The following TOP6BL variants were observed in gnomAD, a reference collection of about 807,000 sequenced individuals.
The protein encoded by TOP6BL is type 2 DNA topoisomerase 6 subunit B-like.
At chr11:66,839,131 G>A in the TOP6BL span, 1 of 456,294 alleles carries the variant, frequency 2.2e-6, no homozygotes, top group South Asian at 1.5e-5. Flanking sequence ...GTCTCCTGCA[G>A]TGCTTAAACA....
the TOP6BL span, among the ~76,000 whole-genome samples, chr11:66,757,618 C>T: frequency 6.6e-6 from 1 of 152,164 alleles, no homozygotes; most frequent in East Asian, 1.9e-4. Context: ...CAGAGTTTCG[C>T]TCTTGTTGCC....
the TOP6BL span, chr11:66,762,083 A>G: frequency 1.7e-6 from 2 of 1,211,066 alleles, no homozygotes; most frequent in African/African-American, 3.0e-5. Context: ...ATTCAGTTCC[A>G]GCTCCCAAAC....
the TOP6BL span, among the ~76,000 whole-genome samples, chr11:66,824,906 T>C: frequency 2.0e-5 from 3 of 152,052 alleles, no homozygotes; most frequent in Non-Finnish European, 4.4e-5. Flanking sequence ...GCAATAAACA[T>C]ATGTGTGCAT....
chr11:66,802,430 G>A, the TOP6BL span, among the ~76,000 whole-genome samples: 1 of 152,232 alleles, frequency 6.6e-6, no homozygotes, highest in South Asian at 2.1e-4. Flanking sequence ...TGAGATTACA[G>A]GCATGAGCCA....
the TOP6BL span, among the ~76,000 whole-genome samples, chr11:66,796,570 A>G: frequency 6.6e-6 from 1 of 152,082 alleles, no homozygotes; most frequent in Non-Finnish European, 1.5e-5. Context: ...GCTTGAGTCC[A>G]GGAGTTTAAG....
At chr11:66,764,719 T>A in the TOP6BL span, among the ~76,000 whole-genome samples, 1 of 150,496 alleles carries the variant, frequency 6.6e-6, no homozygotes, top group African/African-American at 2.4e-5. Flanking sequence ...TGGCTCTGAC[T>A]AAAATCCCAG....
the TOP6BL span, among the ~76,000 whole-genome samples, chr11:66,777,042 A>C: frequency 2.7e-5 from 4 of 145,900 alleles, no homozygotes; most frequent in Non-Finnish European, 6.1e-5. Context: ...TGTTGTAATC[A>C]CTATATCTAT....
chr11:66,814,512 C>A, the TOP6BL span, among the ~76,000 whole-genome samples: 1 of 152,048 alleles, frequency 6.6e-6, no homozygotes, highest in Non-Finnish European at 1.5e-5. Flanking sequence ...GCCCACCTGT[C>A]TCAGCCTCTC....
At chr11:66,843,367 GGGGCGGGGCGTGGAGCCGCGCCGC>G in the TOP6BL span, 2 of 1,443,032 alleles carry the variant, frequency 1.4e-6, no homozygotes, top group South Asian at 2.8e-5. Flanking sequence ...CGGGCGGGGC[GGGGCGGGGCGTGGAGCCGCGCCGC>G]GGCCTGACGT....
the TOP6BL span, among the ~76,000 whole-genome samples, chr11:66,806,314 T>C: frequency 1.3e-5 from 2 of 152,174 alleles, no homozygotes; most frequent in African/African-American, 2.4e-5. Context: ...CTTGCAAAAA[T>C]TGGTTTTCTG....
the TOP6BL span, among the ~76,000 whole-genome samples, chr11:66,788,679 C>A: frequency 6.6e-6 from 1 of 152,204 alleles, no homozygotes; most frequent in Non-Finnish European, 1.5e-5. Context: ...TGTGTCCTTA[C>A]ATGGCTTTTT....
chr11:66,804,246 C>G, the TOP6BL span: 1 of 1,395,078 alleles, frequency 7.2e-7, no homozygotes. Context: ...TTTTTATATC[C>G]CAGTTTTAGG....
the TOP6BL span, among the ~76,000 whole-genome samples, chr11:66,816,487 T>C: frequency 6.6e-6 from 1 of 152,230 alleles, no homozygotes; most frequent in East Asian, 1.9e-4. Context: ...ATATATTACC[T>C]GGAGAGCATC....
At chr11:66,800,498 A>G in the TOP6BL span, 1 of 615,076 alleles carries the variant, frequency 1.6e-6, no homozygotes, top group Non-Finnish European at 2.8e-6. Context: ...CTATGAATGT[A>G]TACAGTTATA....
the TOP6BL span, among the ~76,000 whole-genome samples, chr11:66,749,048 T>C: frequency 6.6e-6 from 1 of 151,078 alleles, no homozygotes; most frequent in Non-Finnish European, 1.5e-5. Flanking sequence ...TGTTAGCTTT[T>C]TGTGTGTGTG....
chr11:66,828,508 ATCTGTTT>A, the TOP6BL span: 16 of 619,122 alleles, frequency 2.6e-5, no homozygotes, highest in Non-Finnish European at 4.0e-5. Flanking sequence ...AAACAAAATC[ATCTGTTT>A]TCTATCTCTC....
chr11:66,835,880 A>G, the TOP6BL span, among the ~76,000 whole-genome samples: 4 of 152,314 alleles, frequency 2.6e-5, no homozygotes, highest in East Asian at 5.8e-4. Flanking sequence ...TTGTGTGGAC[A>G]TGCTTGTAAC....
chr11:66,757,132 C>G, the TOP6BL span, among the ~76,000 whole-genome samples: 1 of 151,898 alleles, frequency 6.6e-6, no homozygotes, highest in Non-Finnish European at 1.5e-5. Flanking sequence ...TGCTTGAGGT[C>G]AGGAGTTCGA....
the TOP6BL span, chr11:66,843,323 A>C: frequency 6.6e-7 from 1 of 1,523,512 alleles, no homozygotes. Context: ...CGCGCTCACC[A>C]AGTCCTCTTC....
Sources: gnomAD v4.1 joint callset for allele counts (sites outside exome capture counted in the v4.1 genomes callset) on GRCh38, gnomAD v4.1.1 for gene constraint, MANE v1.5 for transcripts, NCBI Gene and HGNC (gene_info 2026-07-23, HGNC 2026-07-21) for gene names.